LRIG3: variants seen among roughly 807,000 people sequenced by gnomAD.
The protein encoded by LRIG3 is leucine rich repeats and immunoglobulin like domains 3.
LRIG3 carries 76 observed loss-of-function variants against 114.5 expected under a neutral mutation model. The observed-to-expected ratio is 0.66, with a 90% CI of 0.55 to 0.80. LRIG3 has a LOEUF of 0.80. LRIG3 is among the 30% of genes least tolerant of loss of function. The probability of loss-of-function intolerance (pLI) is 0.00; values close to 1 mark genes in which losing one functional copy is unlikely to be tolerated. For synonymous variants in LRIG3, 512 were observed against 519.8 expected, an observed-to-expected ratio of 0.98 and a Z score of 0.20; for missense variants, 1,239 against 1,382.8, an observed-to-expected ratio of 0.90 and a Z score of 1.65.
In LRIG3 at chr12:58,888,954, T is replaced by C; in HGVS notation, c.668A>G (p.Asn223Ser). ...KLPQLQHLEL[N>S]RNKIKNVDGL... Reference sequence around the variant, plus strand: ...ATCTACATTTTTAATCTTGTTTCGGTTCAATTCGCTGCATTGAGTATTACA... The same window carrying C: ...ATCTACATTTTTAATCTTGTTTCGGCTCAATTCGCTGCATTGAGTATTACA... Residue 223 changes from asparagine (N) to serine (S), a missense_variant, in exon 6 of 19, where the codon AAC becomes AGC. By Grantham distance (46) the Asn-to-Ser change is conservative (BLOSUM62 1). Coordinates refer to ENST00000320743, the MANE Select transcript of LRIG3 (RefSeq NM_153377.5). 1 of 1,613,112 alleles carries C rather than the reference T, an allele frequency of 6.2e-7. No individual in the cohort carries two copies. Among genetic ancestry groups the C allele is most frequent in the Non-Finnish European group, 8.5e-7 (1 of 1,179,592 alleles).
At chr12:58,894,142 G>C (rs1415586353) in intron 3 of LRIG3, among the ~76,000 whole-genome samples, 1 of 152,162 alleles carries the variant, frequency 6.6e-6, no homozygotes, top group Non-Finnish European at 1.5e-5. Context: ...TTTCCTTGCA[G>C]TAAAAGTATG....
At chr12:58,893,371 G>T (rs1871520483) in intron 3 of LRIG3, among the ~76,000 whole-genome samples, 1 of 152,154 alleles carries the variant, frequency 6.6e-6, no homozygotes, top group Admixed American at 6.5e-5. Context: ...TATATCTTAA[G>T]AGCTGAACTT....
Position 58,874,244 on chromosome 12 carries a change from G to T in LRIG3, c.2926C>A (p.Pro976Thr). The T allele has an allele frequency of 6.2e-7, 1 of 1,614,182 alleles. No homozygotes were observed. Among genetic ancestry groups the T allele is most frequent in the African/African-American group, 1.3e-5 (1 of 75,044 alleles). The part of the protein sequence containing the change: ...KKKECYPCSH[P>T]SEESCERSFS... ...CTCCGTTCGCAGGATTCTTCTGAAG[G>T]ATGAGAACATGGGTAGCACTCCTTT... The change falls in exon 18 of 19, where the codon CCT (proline) becomes ACT (threonine). Residue 976 changes from proline to threonine, a missense_variant. Transcript: ENST00000320743.
intron 3 of LRIG3, among the ~76,000 whole-genome samples, chr12:58,900,595 T>C (rs900242129): frequency 1.3e-5 from 2 of 152,212 alleles, no homozygotes; most frequent in Admixed American, 1.3e-4. Context: ...TACTATAGTC[T>C]GTTTTACTGA....
chr12:58,903,949 T>C (rs901209042), intron 3 of LRIG3, among the ~76,000 whole-genome samples: 2 of 152,118 alleles, frequency 1.3e-5, no homozygotes, highest in Non-Finnish European at 2.9e-5. Flanking sequence ...ACCAGTACCA[T>C]GCTGTTTTGG....
chr12:58,914,688 T>A, intron 1 of LRIG3: 1 of 187,264 alleles, frequency 5.3e-6, no homozygotes. Flanking sequence ...GAAAAGGAGC[T>A]AATTAGGCAG....
chr12:58,917,042 G>A (rs1239388516), intron 1 of LRIG3, among the ~76,000 whole-genome samples: 1 of 152,114 alleles, frequency 6.6e-6, no homozygotes, highest in African/African-American at 2.4e-5. Context: ...CTGATCCAAA[G>A]TGACTCATAA....
intron 3 of LRIG3, among the ~76,000 whole-genome samples, chr12:58,903,422 T>C (rs1383517382): frequency 1.3e-5 from 2 of 152,248 alleles, no homozygotes; most frequent in African/African-American, 2.4e-5. Context: ...GGTTGTTTTT[T>C]TCTTGTAAAT....
intron 13 of LRIG3, among the ~76,000 whole-genome samples, chr12:58,879,555 A>G (rs1871047548): frequency 6.6e-6 from 1 of 152,188 alleles, no homozygotes; most frequent in African/African-American, 2.4e-5. Context: ...AAACTGTTCT[A>G]TGTGCCAGGC....
At chr12:58,915,193 T>C (rs2120990792) in intron 1 of LRIG3, among the ~76,000 whole-genome samples, 1 of 152,336 alleles carries the variant, frequency 6.6e-6, no homozygotes, top group East Asian at 1.9e-4. Context: ...CCCATATGTG[T>C]TAACACATTG....
chr12:58,874,001 A>C (rs777292916), intron 18 of LRIG3, 54 bp downstream of exon 18: 25 of 1,590,260 alleles, frequency 1.6e-5, no homozygotes, highest in Non-Finnish European at 1.9e-5. Context: ...TCTCTCACAC[A>C]CAACTTGGAG....
intron 3 of LRIG3, among the ~76,000 whole-genome samples, chr12:58,896,577 T>C (rs185919402): frequency 1.3e-5 from 2 of 152,328 alleles, no homozygotes; most frequent in East Asian, 3.9e-4. Context: ...AGCTGTGATG[T>C]GTAAGGACAT....
intron 10 of LRIG3, among the ~76,000 whole-genome samples, chr12:58,884,893 T>A (rs1364028837): frequency 6.6e-6 from 1 of 152,240 alleles, no homozygotes; most frequent in Non-Finnish European, 1.5e-5. Context: ...ATACATTACT[T>A]TGTACTTTTA....
In LRIG3 at chr12:58,872,751, C is replaced by G. The variant is rs1301093535; in HGVS notation, c.3181G>C (p.Asp1061His). 3 of 1,614,112 alleles carry G rather than the reference C, an allele frequency of 1.9e-6. No homozygotes were observed. The highest frequency in any genetic ancestry group is 1.3e-5 in the African/African-American group (1 of 75,040). ...AAATAAAAGGCTCTTGGCTGACAAT[C>G]TGATGGCTGTCCAAAGCTTGAATAG... ...DAYSSFGQPS[D>H]CQPRAFYLKA... Residue 1061 changes from aspartate to histidine, a missense_variant, in exon 19 of 19, where the codon GAT (aspartate) becomes CAT (histidine). Coordinates refer to ENST00000320743, the MANE Select transcript of LRIG3 (RefSeq NM_153377.5).
rs1423407145 is a variant in LRIG3, at chr12:58,920,361, T to G, written c.-126A>C. On this transcript the variant is annotated 5_prime_UTR_variant, in exon 1 of 19. Transcript: ENST00000320743. ...TCGCGTGCGCGCTCCTCCCTCGCGC[T>G]GCCCGGTCAATTCCTTCTTTTACTC... The G allele has an allele frequency of 9.2e-5, 57 of 620,436 alleles. No homozygotes were observed. The highest frequency in any genetic ancestry group is 1.2e-4 in the Non-Finnish European group (50 of 417,376). 38.4% of individuals were successfully genotyped at this position (620,436 alleles called of 1,614,324 possible). A position where few individuals can be genotyped will look rare whatever the true frequency, so the allele number is the denominator to read the frequency against.
intron 12 of LRIG3, among the ~76,000 whole-genome samples, chr12:58,882,219 T>C (rs1278445728): frequency 2.0e-5 from 3 of 152,222 alleles, no homozygotes; most frequent in Non-Finnish European, 4.4e-5. Context: ...TACAGAGGTC[T>C]CCATGGCAGC....
chr12:58,906,430 T>G (rs999638547), intron 3 of LRIG3, among the ~76,000 whole-genome samples: 1 of 152,208 alleles, frequency 6.6e-6, no homozygotes, highest in Non-Finnish European at 1.5e-5. Flanking sequence ...AGTTATATGT[T>G]GAGTTTGATG....
At position 58,903,462 on chromosome 12, in the gene LRIG3, T is replaced by C. The variant is rs199754336; in HGVS notation, c.383+10520A>G. 4.6e-5 allele frequency among the ~76,000 whole-genome samples: 7 copies of C among 152,358 alleles called. No homozygotes were observed. In the East Asian group the frequency reaches 1.4e-3, roughly 29 times the overall value. ...TTGAGTTCATTGTGGATTCTGGATA[T>C]TAGCCCTTTGTCAGATGAGTAGGTT... On this transcript the variant is annotated intron_variant, in intron 3 of 18. Coordinates refer to ENST00000320743, the MANE Select transcript of LRIG3 (RefSeq NM_153377.5).
chr12:58,917,559 T>C (rs1872523936), intron 1 of LRIG3, among the ~76,000 whole-genome samples: 1 of 152,208 alleles, frequency 6.6e-6, no homozygotes, highest in African/African-American at 2.4e-5. Context: ...GGAGTACTGA[T>C]ACAGTATTAT....
Sources: gnomAD v4.1 joint callset for allele counts (sites outside exome capture counted in the v4.1 genomes callset) on GRCh38, gnomAD v4.1.1 for gene constraint, MANE v1.5 for transcripts, NCBI Gene and HGNC (gene_info 2026-07-23, HGNC 2026-07-21) for gene names.